TENM4: variants seen among roughly 807,000 people sequenced by gnomAD.
TENM4 encodes teneurin-4.
In TENM4, 82 loss-of-function variants were observed where a neutral mutation model predicts 243.3. The observed-to-expected ratio is 0.34, with a 90% CI of 0.28 to 0.40. The LOEUF is 0.40. Among genes scored for constraint, TENM4 ranks in the 10% least tolerant of loss-of-function variants. The pLI, the probability that TENM4 is intolerant of heterozygous loss-of-function variation, is 1.00. For missense variants in TENM4, 3,138 were observed against 3,673.3 expected (o/e 0.85, Z 3.77); for synonymous variants, 1,412 against 1,456.3 (o/e 0.97, Z 0.69).
chr11:78,868,904 T>C (rs554308336), intron 9 of TENM4, among the ~76,000 whole-genome samples: 3 of 152,128 alleles, frequency 2.0e-5, no homozygotes, highest in South Asian at 2.1e-4. Context: ...TTCTGTTTTA[T>C]ATTAGTGCTC....
chr11:78,711,416 A>G (rs1272527263), intron 26 of TENM4, among the ~76,000 whole-genome samples: 2 of 152,302 alleles, frequency 1.3e-5, no homozygotes, highest in South Asian at 2.1e-4. Flanking sequence ...GAGAACTTCA[A>G]TGATTTGCCC....
intron 3 of TENM4, among the ~76,000 whole-genome samples, chr11:79,179,698 T>C (rs1023897245): frequency 6.6e-6 from 1 of 151,828 alleles, no homozygotes; most frequent in African/African-American, 2.4e-5. Context: ...CATTTATTGT[T>C]AAGGACAGAT....
At chr11:79,395,815 G>A (rs193096306) in intron 1 of TENM4, among the ~76,000 whole-genome samples, 25 of 152,208 alleles carry the variant, frequency 1.6e-4, no homozygotes, top group African/African-American at 4.8e-4. Context: ...TTTAATATCC[G>A]TGAATATTTA....
chr11:79,153,469 G>A (rs758390825), intron 3 of TENM4, among the ~76,000 whole-genome samples: 7 of 149,640 alleles, frequency 4.7e-5, no homozygotes, highest in Non-Finnish European at 1.0e-4. Flanking sequence ...AAGTCACCCA[G>A]CAGAACAATC....
rs867297761 is a variant in TENM4, at chr11:78,694,164, G to A, written c.5088-5938C>T. 5.3e-5 allele frequency among the ~76,000 whole-genome samples: 8 copies of A among 152,154 alleles called. No homozygotes were observed. The East Asian group carries it at 7.7e-4, about 15-fold the overall frequency. Reference sequence around the variant, plus strand: ...ATGCATGGCTGGCAAGGAAAACGCCGAATTGCCCTCTGATACTAAACTTTT... The same window carrying A: ...ATGCATGGCTGGCAAGGAAAACGCCAAATTGCCCTCTGATACTAAACTTTT... On this transcript the variant is annotated intron_variant, in intron 28 of 33. Coordinates refer to ENST00000278550, the MANE Select transcript of TENM4 (RefSeq NM_001098816.3).
At chr11:79,423,141 C>G (rs542542648) in intron 1 of TENM4, among the ~76,000 whole-genome samples, 1 of 152,184 alleles carries the variant, frequency 6.6e-6, no homozygotes, top group South Asian at 2.1e-4. Flanking sequence ...CTATGCTGTC[C>G]CTAAAAGCAC....
intron 32 of TENM4, among the ~76,000 whole-genome samples, chr11:78,663,649 C>A (rs751854564): frequency 5.3e-5 from 8 of 152,154 alleles, no homozygotes; most frequent in Non-Finnish European, 1.2e-4. Context: ...ATAGAGCCTG[C>A]AGAACTGTGA....
At chr11:78,952,594 G>A (rs1002210023) in intron 6 of TENM4, among the ~76,000 whole-genome samples, 2 of 152,162 alleles carry the variant, frequency 1.3e-5, no homozygotes, top group African/African-American at 4.8e-5. Flanking sequence ...AAATAGACAG[G>A]GATCATCTCC....
At position 79,148,735 on chromosome 11, in the gene TENM4, T is replaced by C; in HGVS notation, c.-91A>G. The C allele has an allele frequency of 1.0e-6, 1 of 977,242 alleles. No individual in the cohort carries two copies. Among genetic ancestry groups the C allele is most frequent in the Non-Finnish European group, 1.2e-6 (1 of 822,334 alleles). The allele number at this position is 977,242 out of a possible 1,614,324, so 60.5% of individuals were successfully genotyped here. A position where few individuals can be genotyped will look rare whatever the true frequency, so the allele number is the denominator to read the frequency against. On this transcript the variant is annotated 5_prime_UTR_variant, in exon 4 of 34. Coordinates refer to ENST00000278550, the MANE Select transcript of TENM4 (RefSeq NM_001098816.3). ...TTTTCTTTAAATCTTCTTAAAAGGG[T>C]CTAAGAATAGTCCTTCAAATAATCC...
intron 24 of TENM4, among the ~76,000 whole-genome samples, chr11:78,721,406 G>T (rs768859875): frequency 6.6e-6 from 1 of 152,130 alleles, no homozygotes; most frequent in Non-Finnish European, 1.5e-5. Flanking sequence ...TTCCTTTCAC[G>T]CGTGCGCCTT....
chr11:79,061,983 A>G (rs1363429441), intron 6 of TENM4, among the ~76,000 whole-genome samples: 1 of 54,804 alleles, frequency 1.8e-5, no homozygotes, highest in Non-Finnish European at 4.5e-5. Flanking sequence ...TTTTTTTTTG[A>G]CAGAGTCTAG....
intron 8 of TENM4, among the ~76,000 whole-genome samples, chr11:78,890,915 G>A (rs1855650597): frequency 6.6e-6 from 1 of 152,196 alleles, no homozygotes; most frequent in Admixed American, 6.5e-5. Context: ...GGTGCCTCAG[G>A]TCACAGAATA....
rs1350936202 is a variant in TENM4, at chr11:78,771,129, G to C, written c.2402C>G (p.Pro801Arg). ...YLDRVVKEGC[P>R]GLCNGNGRCT... Reference sequence around the variant, plus strand: ...TCTGCCGTTGCCATTGCACAACCCAGGGCAACCCTCTGAAAGACAAAGTAC... The same window carrying C: ...TCTGCCGTTGCCATTGCACAACCCACGGCAACCCTCTGAAAGACAAAGTAC... The change falls in exon 18 of 34, where the codon CCT becomes CGT. Residue 801 changes from proline (P) to arginine (R), a missense_variant. Pro to Arg is a moderately radical substitution (Grantham distance 103). Transcript: ENST00000278550. The C allele has an allele frequency of 3.8e-6, 6 of 1,568,400 alleles. No homozygotes were observed. Among genetic ancestry groups the C allele is most frequent in the Non-Finnish European group, 5.2e-6 (6 of 1,156,528 alleles).
chr11:79,280,327 G>A (rs1435952840), intron 2 of TENM4, among the ~76,000 whole-genome samples: 2 of 152,276 alleles, frequency 1.3e-5, no homozygotes, highest in African/African-American at 4.8e-5. Context: ...TCTCCCCACA[G>A]CAAGTGGCTC....
At position 78,658,216 on chromosome 11, in the gene TENM4, G is replaced by A. The variant is rs779399051; in HGVS notation, c.8152C>T (p.Arg2718Trp). 1.2e-5 allele frequency: 20 copies of A among 1,613,874 alleles called. No homozygotes were observed. The highest frequency in any genetic ancestry group is 6.6e-5 in the South Asian group (6 of 91,092). The stretch of plus-strand genomic sequence containing the variant: ...TGCTTCTCCCCCTCTGTCCAGGCCC[G>A]CAGGCCTTCCTCCCCTTCCCGCAGT... The part of the protein sequence containing the change: ...QRLREGEEGL[R>W]AWTEGEKQQV... The change falls in exon 34 of 34, where the codon CGG (arginine) becomes TGG (tryptophan). Residue 2718 changes from arginine to tryptophan, a missense_variant. Physicochemically the swap from Arg to Trp is moderately radical, Grantham distance 101 (BLOSUM62 -3). Coordinates refer to ENST00000278550, the MANE Select transcript of TENM4 (RefSeq NM_001098816.3).
At chr11:79,378,915 A>G (rs1239344187) in intron 1 of TENM4, among the ~76,000 whole-genome samples, 2 of 151,972 alleles carry the variant, frequency 1.3e-5, no homozygotes, top group African/African-American at 2.4e-5. Flanking sequence ...GGAAAGAAAG[A>G]AAATGAGGAA....
chr11:79,397,250 TCA>T (rs1460817653), intron 1 of TENM4, among the ~76,000 whole-genome samples: 1 of 152,208 alleles, frequency 6.6e-6, no homozygotes, highest in African/African-American at 2.4e-5. Flanking sequence ...TTTTTATACA[TCA>T]TTTTATTTCA....
intron 3 of TENM4, among the ~76,000 whole-genome samples, chr11:79,163,517 G>A (rs910376901): frequency 3.3e-5 from 5 of 151,872 alleles, no homozygotes; most frequent in Admixed American, 6.6e-5. Context: ...TATACCCAAT[G>A]TGTAGTCTTT....
rs751677117 is a variant in TENM4 at position 78,722,735 on chromosome 11, C to T, written c.3733G>A (p.Val1245Met). Residue 1245 changes from valine to methionine, a missense_variant, in exon 24 of 34, where the codon GTG becomes ATG. Transcript: ENST00000278550. ...LTCGSDGSLY[V>M]GDFNYIRRIF... Reference sequence around the variant, plus strand: ...CTTCTAATGTAGTTGAAATCACCCACATAGAGGCTCCCGTCAGAGCCACAG... The same window carrying T: ...CTTCTAATGTAGTTGAAATCACCCATATAGAGGCTCCCGTCAGAGCCACAG... The T allele has an allele frequency of 6.2e-7, 1 of 1,614,082 alleles. No individual in the cohort carries two copies. The highest frequency in any genetic ancestry group is 8.5e-7 in the Non-Finnish European group (1 of 1,179,900).
Sources: gnomAD v4.1 joint callset for allele counts (sites outside exome capture counted in the v4.1 genomes callset) on GRCh38, gnomAD v4.1.1 for gene constraint, MANE v1.5 for transcripts, NCBI Gene and HGNC (gene_info 2026-07-23, HGNC 2026-07-21) for gene names.